Variants in NHSL1 observed in about 807,000 individuals in gnomAD.
NHSL1 encodes NHS-like protein 1.
Under a neutral mutation model 95.0 loss-of-function variants are expected in NHSL1, and 48 were observed. That is an observed-to-expected ratio of 0.51 (90% CI 0.40 to 0.64). The LOEUF (loss-of-function observed/expected upper bound fraction) is 0.64. NHSL1 is among the 30% of genes least tolerant of loss of function. The pLI, the probability that NHSL1 is intolerant of heterozygous loss-of-function variation, is 0.00. For synonymous variants in NHSL1, 783 were observed against 833.9 expected (o/e 0.94, Z 1.05); for missense variants, 1,971 against 2,077.7 (o/e 0.95, Z 1.00).
chr6:138,534,599 T>C (rs1045148366), intron 1 of NHSL1, among the ~76,000 whole-genome samples: 1 of 152,242 alleles, frequency 6.6e-6, no homozygotes, highest in Non-Finnish European at 1.5e-5. Context: ...CTCTAACTTC[T>C]ACAGGCTCCC....
At chr6:138,573,073 C>T (rs920465346), upstream of NHSL1, among the ~76,000 whole-genome samples, 2 of 152,196 alleles carry the variant, frequency 1.3e-5, no homozygotes, top group Non-Finnish European at 2.9e-5. Flanking sequence ...CTGGATCCTC[C>T]TCTGCCGTAT....
chr6:138,641,622 C>CAAAAAAA (rs771307557), intron 1 of NHSL1, among the ~76,000 whole-genome samples: 11 of 76,436 alleles, frequency 1.4e-4, no homozygotes, highest in African/African-American at 4.2e-4. Flanking sequence ...GACTCCGTCT[C>CAAAAAAA]AAAAAAAAAA....
At chr6:138,428,423 C>T (rs1264875575) in intron 7 of NHSL1, among the ~76,000 whole-genome samples, 2 of 152,190 alleles carry the variant, frequency 1.3e-5, no homozygotes, top group Admixed American at 6.5e-5. Flanking sequence ...TCAAAGGATG[C>T]ATCATTTATC....
At chr6:138,641,338 AC>A (rs1482370929) in intron 1 of NHSL1, among the ~76,000 whole-genome samples, 1 of 152,206 alleles carries the variant, frequency 6.6e-6, no homozygotes, top group Non-Finnish European at 1.5e-5. Flanking sequence ...ACGTGAATAC[AC>A]CCTTATAAAA....
intron 1 of NHSL1, among the ~76,000 whole-genome samples, chr6:138,510,978 G>A (rs1000863693): frequency 6.6e-6 from 1 of 152,110 alleles, no homozygotes; most frequent in African/African-American, 2.4e-5. Context: ...AATACAATTG[G>A]GCACAGATGG....
intron 3 of NHSL1, among the ~76,000 whole-genome samples, chr6:138,463,721 G>A (rs534926206): frequency 6.6e-6 from 1 of 151,968 alleles, no homozygotes; most frequent in African/African-American, 2.4e-5. Flanking sequence ...AGGCCCCGGT[G>A]TGTGATGTTC....
chr6:138,607,362 C>T (rs1031586050), intron 1 of NHSL1, among the ~76,000 whole-genome samples: 9 of 152,098 alleles, frequency 5.9e-5, no homozygotes, highest in Non-Finnish European at 1.0e-4. Context: ...ACCAAAAAAA[C>T]AAAAACAAAA....
At chr6:138,508,302 C>T (rs1056732632) in intron 1 of NHSL1, among the ~76,000 whole-genome samples, 3 of 152,156 alleles carry the variant, frequency 2.0e-5, no homozygotes, top group South Asian at 2.1e-4. Context: ...TGGGATCATC[C>T]AGAGACTGTC....
chr6:138,569,760 C>A (rs956221346), intron 1 of NHSL1, among the ~76,000 whole-genome samples: 3 of 152,114 alleles, frequency 2.0e-5, no homozygotes, highest in African/African-American at 7.2e-5. Context: ...AGCCAATTTT[C>A]TTTTGTAAGT....
intron 1 of NHSL1, among the ~76,000 whole-genome samples, chr6:138,665,803 CT>C (rs1010523299): frequency 7.9e-5 from 12 of 152,052 alleles, no homozygotes; most frequent in African/African-American, 2.9e-4. Context: ...CCTATCGCCC[CT>C]CTAATTAAAA....
intron 1 of NHSL1, chr6:138,650,361 T>C (rs1785074356): frequency 8.0e-7 from 1 of 1,254,872 alleles, no homozygotes; most frequent in Non-Finnish European, 1.2e-6. Flanking sequence ...GAGCCCAGCC[T>C]GCAGCCCACA....
intron 3 of NHSL1, among the ~76,000 whole-genome samples, chr6:138,448,850 T>C (rs4895528): frequency 0.99 from 151,303 of 152,278 alleles, 75,176 homozygotes; most frequent in East Asian, 1. Flanking sequence ...GACGGGAGCT[T>C]GAGACCAGCC....
At chr6:138,555,184 C>T (rs1287957950) in intron 1 of NHSL1, among the ~76,000 whole-genome samples, 1 of 152,132 alleles carries the variant, frequency 6.6e-6, no homozygotes, top group Non-Finnish European at 1.5e-5. Flanking sequence ...TGATCTGAGC[C>T]TTTTCCTTTT....
At chr6:138,638,928 G>A (rs1356829556) in intron 1 of NHSL1, among the ~76,000 whole-genome samples, 1 of 152,202 alleles carries the variant, frequency 6.6e-6, no homozygotes, top group Non-Finnish European at 1.5e-5. Context: ...GGCCAAACCA[G>A]AGAGAAACTG....
At chr6:138,609,932 T>C (rs759324691) in intron 1 of NHSL1, among the ~76,000 whole-genome samples, 2 of 152,258 alleles carry the variant, frequency 1.3e-5, no homozygotes, top group East Asian at 1.9e-4. Flanking sequence ...CTACCATCAA[T>C]GCCATCCTTC....
intron 1 of NHSL1, among the ~76,000 whole-genome samples, chr6:138,607,918 T>G (rs1182576446): frequency 6.6e-6 from 1 of 152,230 alleles, no homozygotes; most frequent in Admixed American, 6.5e-5. Context: ...ATGCCTCTTT[T>G]GGACCTTAGA....
At chr6:138,577,462 G>C (rs1372573569), upstream of NHSL1, among the ~76,000 whole-genome samples, 5 of 152,220 alleles carry the variant, frequency 3.3e-5, no homozygotes, top group African/African-American at 9.6e-5. Flanking sequence ...AACACGGCTG[G>C]ATTGCAAGCG....
At chr6:138,668,971 A>T (rs1221404031) in intron 1 of NHSL1, among the ~76,000 whole-genome samples, 24 of 152,168 alleles carry the variant, frequency 1.6e-4, no homozygotes, top group Admixed American at 1.6e-3. Context: ...TGGAGGAAGC[A>T]AGGGAAATTG....
At chr6:138,654,214 T>C (rs951901773) in intron 1 of NHSL1, among the ~76,000 whole-genome samples, 1 of 152,224 alleles carries the variant, frequency 6.6e-6, no homozygotes, top group Non-Finnish European at 1.5e-5. Context: ...TTGCAGACTT[T>C]TTTTGGACAG....
Sources: allele counts gnomAD v4.1 joint callset (sites outside exome capture counted in the v4.1 genomes callset), GRCh38; gene constraint gnomAD v4.1.1; transcripts MANE v1.5; gene names NCBI Gene and HGNC (gene_info 2026-07-23, HGNC 2026-07-21).